Variants in ZNF280D observed in about 807,000 individuals in gnomAD.
ZNF280D encodes the protein suppressor of hairy wing homolog 4.
In ZNF280D, 39 loss-of-function variants were observed where a neutral mutation model predicts 94.7. The observed-to-expected ratio is 0.41, with a 90% confidence interval of 0.32 to 0.54. The LOEUF is 0.54. ZNF280D is among the 20% of genes least tolerant of loss of function. ZNF280D has a pLI of 0.22. For synonymous variants in ZNF280D, 398 were observed against 377.6 expected, an observed-to-expected ratio of 1.05 and a Z score of -0.63; for missense variants, 1,090 against 1,149.3, an observed-to-expected ratio of 0.95 and a Z score of 0.75.
Position 56,630,517 on chromosome 15 carries a change from T to G in ZNF280D, c.*981A>C, listed in dbSNP as rs2052035249. The G allele has an allele frequency of 6.6e-6, 1 of 152,144 alleles. No homozygotes were observed. Among genetic ancestry groups the G allele is most frequent in the Admixed American group, 6.5e-5 (1 of 15,272 alleles). 9.4% of individuals were successfully genotyped at this position (152,144 alleles called of 1,614,324 possible). On this transcript the variant is annotated 3_prime_UTR_variant, in exon 22 of 22. Coordinates refer to ENST00000267807, the MANE Select transcript of ZNF280D (RefSeq NM_017661.4). ...TTTAGGTCCCATTTGAAGTTTTTATTTTACAATTACAGAAAAGTCACTTAA... is the reference window on the plus strand; with the variant it reads ...TTTAGGTCCCATTTGAAGTTTTTATGTTACAATTACAGAAAAGTCACTTAA...
chr15:56,681,850 A>T (rs946051279), intron 10 of ZNF280D, among the ~76,000 whole-genome samples: 3 of 152,128 alleles, frequency 2.0e-5, no homozygotes, highest in Non-Finnish European at 4.4e-5. Context: ...AAATTGAAAA[A>T]TTTGAGCATT....
intron 7 of ZNF280D, among the ~76,000 whole-genome samples, chr15:56,691,655 C>T (rs918053676): frequency 2.6e-5 from 4 of 152,228 alleles, no homozygotes; most frequent in Admixed American, 6.5e-5. Flanking sequence ...ATCCAGTTTT[C>T]TCCAAACCCC....
At chr15:56,730,506 A>C (rs1387695198) in intron 1 of ZNF280D, 2 of 152,242 alleles carry the variant, frequency 1.3e-5, no homozygotes, top group African/African-American at 4.8e-5. Context: ...AAAGGACTGG[A>C]TTAGTAGCCT....
chr15:56,644,941 A>T (rs1200684817), intron 19 of ZNF280D, among the ~76,000 whole-genome samples: 1 of 152,182 alleles, frequency 6.6e-6, no homozygotes, highest in African/African-American at 2.4e-5. Context: ...CTCTTTAAGG[A>T]ACAGAATCGT....
In ZNF280D at chr15:56,668,812, T is replaced by G; in HGVS notation, c.1545+11A>C. 2 of 1,593,368 alleles carry G rather than the reference T, an allele frequency of 1.3e-6. No homozygotes were observed. The highest frequency in any genetic ancestry group is 1.7e-6 in the Non-Finnish European group (2 of 1,171,924). On this transcript the variant is annotated intron_variant, in intron 14 of 21. Coordinates refer to ENST00000267807, the MANE Select transcript of ZNF280D (RefSeq NM_017661.4). ...ATACAAAATGTTAAAATACAATATA[T>G]TTTAACTCACTTTTGTTCCAGGAGG...
chr15:56,719,225 G>C (rs2058208554), intron 1 of ZNF280D, among the ~76,000 whole-genome samples: 4 of 152,096 alleles, frequency 2.6e-5, no homozygotes, highest in Admixed American at 6.5e-5. Flanking sequence ...AGGGTAATGA[G>C]AGGTGTTTGG....
chr15:56,640,087 A>G (rs1304349027), intron 20 of ZNF280D, among the ~76,000 whole-genome samples: 1 of 152,202 alleles, frequency 6.6e-6, no homozygotes, highest in African/African-American at 2.4e-5. Context: ...TAAAAAAGAT[A>G]CATATTTTTA....
intron 1 of ZNF280D, among the ~76,000 whole-genome samples, chr15:56,728,278 C>T (rs2058725683): frequency 6.6e-6 from 1 of 152,162 alleles, no homozygotes. Context: ...CCTTGGCCTC[C>T]CAAAGTGCTG....
intron 20 of ZNF280D, among the ~76,000 whole-genome samples, chr15:56,641,187 T>A (rs2052610334): frequency 6.6e-6 from 1 of 152,026 alleles, no homozygotes; most frequent in Non-Finnish European, 1.5e-5. Context: ...AATATGCATA[T>A]CTCTTGCTCA....
intron 15 of ZNF280D, 59 bp from the exon 16 acceptor site, chr15:56,666,594 G>C: frequency 6.6e-7 from 1 of 1,521,380 alleles, no homozygotes; most frequent in Non-Finnish European, 8.8e-7. Flanking sequence ...TAATAAGGAA[G>C]AGCCTTAATA....
chr15:56,700,431 G>T, intron 6 of ZNF280D: 2 of 772,076 alleles, frequency 2.6e-6, no homozygotes, highest in Non-Finnish European at 3.2e-6. Context: ...CATATTAACA[G>T]CTCAATGAAT....
chr15:56,700,858 A>T, intron 6 of ZNF280D, 75 bp downstream of exon 6: 1 of 1,611,400 alleles, frequency 6.2e-7, no homozygotes, highest in Non-Finnish European at 8.5e-7. Flanking sequence ...CAGAATTGTA[A>T]CTGGGTACTG....
chr15:56,695,674 T>C (rs2056706603), intron 6 of ZNF280D, among the ~76,000 whole-genome samples: 2 of 151,700 alleles, frequency 1.3e-5, no homozygotes, highest in African/African-American at 4.8e-5. Flanking sequence ...GGACTACAGG[T>C]GCACACCACC....
At position 56,642,983 on chromosome 15, in the gene ZNF280D, GCTT is replaced by G; in HGVS notation, c.2225_2227del (p.Glu742del). ...CACAGGTTCTTGTTCCTTTGCGGGAGCTTCTTTTTTTAATCTTGAAAACAAGAT... is the reference window on the plus strand; with the variant it reads ...CACAGGTTCTTGTTCCTTTGCGGGAGCTTTTTTTAATCTTGAAAACAAGAT... On this transcript the variant is annotated inframe_deletion, in exon 20 of 22. Coordinates refer to ENST00000267807, the MANE Select transcript of ZNF280D (RefSeq NM_017661.4). 1 of 1,506,376 alleles carries G rather than the reference GCTT, an allele frequency of 6.6e-7. No individual in the cohort carries two copies. The highest frequency in any genetic ancestry group is 1.4e-5 in the African/African-American group (1 of 69,422). 93.3% of individuals were successfully genotyped at this position (1,506,376 alleles called of 1,614,324 possible). A position where few individuals can be genotyped will look rare whatever the true frequency, so the allele number is the denominator to read the frequency against.
chr15:56,682,197 C>T, intron 10 of ZNF280D, 57 bp downstream of exon 10: 1 of 1,246,222 alleles, frequency 8.0e-7, no homozygotes, highest in Non-Finnish European at 1.1e-6. Context: ...AAAAGTATAA[C>T]ATTTTTATTT....
chr15:56,703,699 C>G (rs951944929), intron 4 of ZNF280D, among the ~76,000 whole-genome samples: 3 of 151,678 alleles, frequency 2.0e-5, no homozygotes, highest in African/African-American at 4.8e-5. Context: ...ACAAAAAATA[C>G]AAAAATTAGC....
chr15:56,641,423 T>C (rs1208857049), intron 20 of ZNF280D, among the ~76,000 whole-genome samples: 1 of 152,026 alleles, frequency 6.6e-6, no homozygotes, highest in Non-Finnish European at 1.5e-5. Flanking sequence ...TTTTGTCATT[T>C]GATATTATAT....
chr15:56,667,066 A>C, intron 14 of ZNF280D, 80 bp from the exon 15 acceptor site: 1 of 1,160,706 alleles, frequency 8.6e-7, no homozygotes, highest in Non-Finnish European at 1.2e-6. Context: ...AAAAATAGTT[A>C]AAAATCAAGA....
intron 19 of ZNF280D, among the ~76,000 whole-genome samples, chr15:56,649,890 C>T (rs2053109437): frequency 1.3e-5 from 2 of 151,960 alleles, no homozygotes; most frequent in Admixed American, 1.3e-4. Flanking sequence ...TTACTGCTTA[C>T]ATTTATGAAA....
Sources: allele counts gnomAD v4.1 joint callset (sites outside exome capture counted in the v4.1 genomes callset), GRCh38; gene constraint gnomAD v4.1.1; transcripts MANE v1.5; gene names NCBI Gene and HGNC (gene_info 2026-07-23, HGNC 2026-07-21).